Variants in TGIF2 observed in about 807,000 individuals in gnomAD.
The protein encoded by TGIF2 is homeobox protein TGIF2.
A neutral mutation model predicts 15.1 loss-of-function variants in TGIF2; 5 were observed. The observed-to-expected ratio is 0.33, with a 90% CI of 0.17 to 0.70. The LOEUF (loss-of-function observed/expected upper bound fraction) is 0.70, where lower values mean the gene tolerates loss of function less well. Ranked by LOEUF, TGIF2 falls within the 30% of genes least tolerant of loss-of-function variation. The probability of loss-of-function intolerance (pLI) is 0.67; values close to 1 mark genes in which losing one functional copy is unlikely to be tolerated. For missense variants in TGIF2, 264 were observed against 302.5 expected, an observed-to-expected ratio of 0.87 and a Z score of 0.94; for synonymous variants, 131 against 128.9, an observed-to-expected ratio of 1.02 and a Z score of -0.11.
chr20:36,574,235 C>T (rs1449383867), intron 1 of TGIF2, among the ~76,000 whole-genome samples: 1 of 151,922 alleles, frequency 6.6e-6, no homozygotes, highest in Non-Finnish European at 1.5e-5. Flanking sequence ...TTCCCCTTTC[C>T]TTTGGAACAA....
At chr20:36,580,576 C>T (rs2038522971) in intron 2 of TGIF2, among the ~76,000 whole-genome samples, 1 of 151,920 alleles carries the variant, frequency 6.6e-6, no homozygotes, top group South Asian at 2.1e-4. Context: ...CTTTAGGAGA[C>T]CAAGGTAGGA....
At chr20:36,588,318 C>G (rs1283056508) in intron 2 of TGIF2, among the ~76,000 whole-genome samples, 2 of 150,366 alleles carry the variant, frequency 1.3e-5, no homozygotes, top group Non-Finnish European at 2.9e-5. Context: ...AAGTTTGTTC[C>G]CTTCCTTCAT....
intron 2 of TGIF2, among the ~76,000 whole-genome samples, chr20:36,586,702 CCAA>C (rs1569532607): frequency 2.9e-5 from 4 of 138,888 alleles, no homozygotes; most frequent in African/African-American, 1.2e-4. Flanking sequence ...TTCCCCCCCC[CCAA>C]AAAAAAAAAT....
intron 2 of TGIF2, among the ~76,000 whole-genome samples, chr20:36,582,470 G>T (rs943231295): frequency 1.3e-5 from 2 of 152,170 alleles, no homozygotes; most frequent in African/African-American, 4.8e-5. Context: ...ACTGAAAATG[G>T]TGGGTGGTGC....
At chr20:36,579,824 T>G (rs2038508463) in intron 2 of TGIF2, among the ~76,000 whole-genome samples, 2 of 152,214 alleles carry the variant, frequency 1.3e-5, no homozygotes, top group Admixed American at 6.5e-5. Context: ...CAGAACTGGA[T>G]GTGAAAGTGC....
At chr20:36,585,234 A>C (rs1365503633) in intron 2 of TGIF2, among the ~76,000 whole-genome samples, 3 of 151,908 alleles carry the variant, frequency 2.0e-5, no homozygotes, top group Non-Finnish European at 4.4e-5. Flanking sequence ...ACAGTGTCTC[A>C]CGCCTGTAAT....
chr20:36,584,974 A>G (rs996573304), intron 2 of TGIF2, among the ~76,000 whole-genome samples: 1 of 152,136 alleles, frequency 6.6e-6, no homozygotes, highest in East Asian at 1.9e-4. Context: ...AGGCAAACGG[A>G]TCACCTGGGG....
chr20:36,591,449 T>C lies in TGIF2; in HGVS notation c.*18T>C. 1 of 1,580,288 alleles carries C rather than the reference T, an allele frequency of 6.3e-7. No homozygotes were observed. Among genetic ancestry groups the C allele is most frequent in the Non-Finnish European group, 8.6e-7 (1 of 1,160,728 alleles). The stretch of plus-strand genomic sequence containing the variant: ...CCCAGTAGGCATCTGCCAAGAAGGG[T>C]GCTGAAGGCTCCAGCCAGCTGTCCT... On this transcript the variant is annotated 3_prime_UTR_variant, in exon 3 of 3. Transcript: ENST00000373872. This position sits in a 1 kb window ranked among gnomAD's most constrained non-coding sequence, Gnocchi z 5.3.
At position 36,575,161 on chromosome 20, in the gene TGIF2, G is replaced by T. The variant is rs6101335; in HGVS notation, c.-35+1416G>T. 6.1e-3 allele frequency among the ~76,000 whole-genome samples: 927 copies of T among 152,184 alleles called. 11 individuals are homozygous for T. The highest frequency in any genetic ancestry group is 0.021 in the African/African-American group (872 of 41,502). ...CCTGGGGTCTGTAAGCTGTGCGTGT[G>T]CGTGCTGTATGCGTCGGTGAAAACC... On this transcript the variant is annotated intron_variant, in intron 1 of 2. Coordinates refer to ENST00000373872, the MANE Select transcript of TGIF2 (RefSeq NM_021809.7).
At chr20:36,584,123 C>G (rs1477894722) in intron 2 of TGIF2, among the ~76,000 whole-genome samples, 1 of 152,142 alleles carries the variant, frequency 6.6e-6, no homozygotes, top group African/African-American at 2.4e-5. Context: ...ATCACCGGCC[C>G]GTGTCTACAT....
intron 1 of TGIF2, among the ~76,000 whole-genome samples, chr20:36,575,229 C>T (rs2038402222): frequency 6.6e-6 from 1 of 151,870 alleles, no homozygotes; most frequent in Non-Finnish European, 1.5e-5. Context: ...GGCCAGTTAT[C>T]CTAGCGCTGT....
chr20:36,593,166 TGAG>T lies in TGIF2; in HGVS notation c.*1736_*1738del, dbSNP rs1183525787. 2 of 152,652 alleles carry T rather than the reference TGAG, an allele frequency of 1.3e-5. No individual in the cohort carries two copies. Among genetic ancestry groups the T allele is most frequent in the African/African-American group, 2.4e-5 (1 of 41,446 alleles). The allele number at this position is 152,652 out of a possible 1,614,324, so 9.5% of individuals were successfully genotyped here. ...ATTGCTAGCCAAAATATTTTTGTCC[TGAG>T]TAGTGTCACTGGGCCAAAAGATAGA... On this transcript the variant is annotated 3_prime_UTR_variant, in exon 3 of 3. Coordinates refer to ENST00000373872, the MANE Select transcript of TGIF2 (RefSeq NM_021809.7).
intron 1 of TGIF2, chr20:36,574,536 C>G (rs563657523): frequency 2.0e-5 from 3 of 151,834 alleles, no homozygotes; most frequent in Non-Finnish European, 2.9e-5. Context: ...CAAAGCCGAG[C>G]GCGCACGCTC....
At chr20:36,575,603 T>C (rs568606955) in intron 1 of TGIF2, among the ~76,000 whole-genome samples, 1 of 152,172 alleles carries the variant, frequency 6.6e-6, no homozygotes, top group African/African-American at 2.4e-5. Context: ...CCAGGTGGCC[T>C]GACTGAAAGG....
Position 36,591,050 on chromosome 20 carries a change from C to G in TGIF2, c.333C>G (p.Pro111=). The change falls in exon 3 of 3, where the codon CCC becomes CCG. Residue 111 remains proline (P), a synonymous_variant. Coordinates refer to ENST00000373872, the MANE Select transcript of TGIF2 (RefSeq NM_021809.7). The surrounding 1 kb of genome is among the most constrained non-coding windows in gnomAD (Gnocchi z 5.3). ...TGGCCCTCCCCCGTGGCAGCAGCCC[C>G]TCAGTGCTGGCTGTGTCTGTCCCAG... ...SDVALPRGSS[P]SVLAVSVPAP... is the part of the protein sequence containing the mutation. The G allele has an allele frequency of 6.2e-7, 1 of 1,602,354 alleles. No individual in the cohort carries two copies. Among genetic ancestry groups the G allele is most frequent in the Non-Finnish European group, 8.5e-7 (1 of 1,171,130 alleles).
At chr20:36,579,889 CAG>C (rs2038509494) in intron 2 of TGIF2, among the ~76,000 whole-genome samples, 1 of 152,088 alleles carries the variant, frequency 6.6e-6, no homozygotes, top group Non-Finnish European at 1.5e-5. Context: ...CCCTTTTTGT[CAG>C]AGTGCAAAGT....
chr20:36,581,225 TG>T (rs2038539636), intron 2 of TGIF2, among the ~76,000 whole-genome samples: 1 of 152,230 alleles, frequency 6.6e-6, no homozygotes, highest in African/African-American at 2.4e-5. Flanking sequence ...TGGCTGATCC[TG>T]GGTGCCCAGC....
intron 2 of TGIF2, among the ~76,000 whole-genome samples, chr20:36,579,177 G>A (rs1452793816): frequency 6.6e-6 from 1 of 151,980 alleles, no homozygotes; most frequent in East Asian, 1.9e-4. Flanking sequence ...ACTTTAGATA[G>A]TCCTTTTTTT....
chr20:36,590,039 C>A (rs1164995650), intron 2 of TGIF2, among the ~76,000 whole-genome samples: 1 of 152,148 alleles, frequency 6.6e-6, no homozygotes, highest in Non-Finnish European at 1.5e-5. Flanking sequence ...ACTGCAGTCT[C>A]TGCCTCCCTG....
Sources: gnomAD v4.1 joint callset for allele counts (sites outside exome capture counted in the v4.1 genomes callset) on GRCh38, gnomAD v4.1.1 for gene constraint, Gnocchi (gnomAD v3.1) non-coding constraint, MANE v1.5 for transcripts, NCBI Gene and HGNC (gene_info 2026-07-23, HGNC 2026-07-21) for gene names.